Variants in PLAGL1 observed in about 807,000 individuals in gnomAD.
The protein encoded by PLAGL1 is zinc finger protein PLAGL1.
PLAGL1 carries 1 observed loss-of-function variant against 4.6 expected under a neutral mutation model. That is an observed-to-expected ratio of 0.22 (90% CI 0.08 to 1.03). PLAGL1 has a LOEUF of 1.03. Ranked by LOEUF, PLAGL1 falls within the 50% of genes least tolerant of loss-of-function variation. The probability of loss-of-function intolerance (pLI) is 0.58; values close to 1 mark genes in which losing one functional copy is unlikely to be tolerated. For missense variants in PLAGL1, 464 were observed against 570.4 expected, an observed-to-expected ratio of 0.81 and a Z score of 1.90; for synonymous variants, 240 against 237.8, an observed-to-expected ratio of 1.01 and a Z score of -0.08.
Position 144,040,458 on chromosome 6 carries a change from G to A in PLAGL1, c.-151+24010C>T, listed in dbSNP as rs563203931. 2.0e-5 allele frequency among the ~76,000 whole-genome samples: 3 copies of A among 152,208 alleles called. No homozygotes were observed. The South Asian group carries it at 6.2e-4, about 32-fold the overall frequency. On this transcript the variant is annotated intron_variant, in intron 1 of 3. Transcript: ENST00000437412. ...GCAGGCAAATCATTTGAACCTGAGAGGCAGAGGTTGTGGTGAGCCAAGATC... is the reference window on the plus strand; with the variant it reads ...GCAGGCAAATCATTTGAACCTGAGAAGCAGAGGTTGTGGTGAGCCAAGATC...
At position 144,059,991 on chromosome 6, in the gene PLAGL1, C is replaced by T. The variant is rs190503139; in HGVS notation, c.-151+4477G>A. Among the ~76,000 whole-genome samples, 21 of 152,282 alleles carry T rather than the reference C, an allele frequency of 1.4e-4. No homozygotes were observed. Among genetic ancestry groups the T allele is most frequent in the South Asian group, 8.3e-4 (4 of 4,814 alleles). ...AGAGCAAGTCCTCCTTACTCCTCCA[C>T]GAAGCTTTCTCAAATTTTATGAGAA... On this transcript the variant is annotated intron_variant, in intron 1 of 3. Coordinates refer to the PLAGL1 transcript ENST00000437412. This position sits in a 1 kb window ranked among gnomAD's most constrained non-coding sequence, Gnocchi z 4.9.
rs938132971 is a variant in PLAGL1 at position 144,045,921 on chromosome 6, C to G, written c.-151+18547G>C. Among the ~76,000 whole-genome samples, 8 of 152,058 alleles carry G rather than the reference C, an allele frequency of 5.3e-5. 1 individual carries two copies. The highest frequency in any genetic ancestry group is 5.2e-4 in the Admixed American group (8 of 15,268). On this transcript the variant is annotated intron_variant, in intron 1 of 3. Transcript: ENST00000437412. ...TTTTTTCTCTAAACTTCTCTTCTCA[C>G]TTCATTCATTTGATCTTCAATCACT...
chr6:144,031,849 A>G (rs1796856004), intron 1 of PLAGL1, among the ~76,000 whole-genome samples: 1 of 152,052 alleles, frequency 6.6e-6, no homozygotes, highest in African/African-American at 2.4e-5. Flanking sequence ...TTTTGGTTCC[A>G]TATGAATTTT....
At chr6:144,025,876 G>C (rs1796307352) in intron 1 of PLAGL1, among the ~76,000 whole-genome samples, 1 of 152,202 alleles carries the variant, frequency 6.6e-6, no homozygotes, top group African/African-American at 2.4e-5. Context: ...CTGGGTGACA[G>C]AGCAAGACTC....
chr6:144,021,183 G>A (rs965497919), intron 1 of PLAGL1, among the ~76,000 whole-genome samples: 1 of 152,046 alleles, frequency 6.6e-6, no homozygotes, highest in Non-Finnish European at 1.5e-5. Context: ...TCAAACCTAT[G>A]CGGTTTGAGC....
rs1313836448 is a variant in PLAGL1, at chr6:143,975,969, T to G, written c.-543-6991A>C. Among the ~76,000 whole-genome samples the G allele has an allele frequency of 1.3e-5, 2 of 152,242 alleles. No homozygotes were observed. Among genetic ancestry groups the G allele is most frequent in the Non-Finnish European group, 2.9e-5 (2 of 68,048 alleles). ...TTCATGTTTTCAAAGAACTAACACA[T>G]ATCTTACTTCGTTGACCCTCACATT... On this transcript the variant is annotated intron_variant, in intron 2 of 7. Coordinates refer to ENST00000674357, the MANE Select transcript of PLAGL1 (RefSeq NM_001317162.2). This position sits in a 1 kb window ranked among gnomAD's most constrained non-coding sequence, Gnocchi z 5.8.
rs1007848054 is a variant in PLAGL1 at position 143,955,267 on chromosome 6, A to C, written c.-325+5202T>G. On this transcript the variant is annotated intron_variant, in intron 6 of 7. Coordinates refer to ENST00000674357, the MANE Select transcript of PLAGL1 (RefSeq NM_001317162.2). This position sits in a 1 kb window ranked among gnomAD's most constrained non-coding sequence, Gnocchi z 4.9. ...AGAGGGAGGTGGTCTATTTCAGGCC[A>C]AGGGAATGAATCCAACCACCTGGAG... 6.6e-6 allele frequency among the ~76,000 whole-genome samples: 1 copy of C among 152,212 alleles called. No homozygotes were observed. The highest frequency in any genetic ancestry group is 1.5e-5 in the Non-Finnish European group (1 of 68,036).
rs543154504 is a variant in PLAGL1, at chr6:143,979,603, T to C, written c.-544+5532A>G. On this transcript the variant is annotated intron_variant, in intron 2 of 7. Coordinates refer to ENST00000674357, the MANE Select transcript of PLAGL1 (RefSeq NM_001317162.2). This position sits in a 1 kb window ranked among gnomAD's most constrained non-coding sequence, Gnocchi z 4.6. ...GTAGAGTATAAAAACTTTATAGTTA[T>C]ATTTTTCCTCACCTGACCTTTGTGC... is the stretch of plus-strand genomic sequence containing the variant. 3.3e-5 allele frequency among the ~76,000 whole-genome samples: 5 copies of C among 152,252 alleles called. No homozygotes were observed. Among genetic ancestry groups the C allele is most frequent in the South Asian group, 2.1e-4 (1 of 4,822 alleles).
At chr6:144,030,678 A>T (rs1263467750) in intron 1 of PLAGL1, among the ~76,000 whole-genome samples, 3 of 152,326 alleles carry the variant, frequency 2.0e-5, no homozygotes, top group East Asian at 3.9e-4. Context: ...CCATTACTTC[A>T]TTCCTTTTTA....
At position 144,056,049 on chromosome 6, in the gene PLAGL1, A is replaced by T. The variant is rs551490999; in HGVS notation, c.-151+8419T>A. ...GAGAAGTTCAACATGGTAAAAGATG[A>T]CTCACTTTTCTTTCCCCTCATCCCT... On this transcript the variant is annotated intron_variant, in intron 1 of 3. Coordinates refer to the PLAGL1 transcript ENST00000437412. The surrounding 1 kb of genome is among the most constrained non-coding windows in gnomAD (Gnocchi z 4.7). Among the ~76,000 whole-genome samples, 2 of 152,052 alleles carry T rather than the reference A, an allele frequency of 1.3e-5. No individual in the cohort carries two copies. Among genetic ancestry groups the T allele is most frequent in the South Asian group, 4.2e-4 (2 of 4,808 alleles).
intron 1 of PLAGL1, among the ~76,000 whole-genome samples, chr6:144,023,667 G>T (rs549160633): frequency 6.6e-6 from 1 of 151,050 alleles, no homozygotes; most frequent in South Asian, 2.1e-4. Context: ...TGGGAGCTAG[G>T]TTTCTCTGTT....
In PLAGL1 at chr6:143,947,860, A is replaced by G; in HGVS notation, c.152+125T>C. The stretch of plus-strand genomic sequence containing the variant: ...GAATCACTGGATGCAGATTTCAAGA[A>G]TCCCTCAAAGGCTAAAATGCATCCA... On this transcript the variant is annotated intron_variant, in intron 7 of 7. Coordinates refer to ENST00000674357, the MANE Select transcript of PLAGL1 (RefSeq NM_001317162.2). The surrounding 1 kb of genome is among the most constrained non-coding windows in gnomAD (Gnocchi z 4.3). 1.4e-6 allele frequency: 1 copy of G among 700,954 alleles called. No homozygotes were observed. Among genetic ancestry groups the G allele is most frequent in the South Asian group, 2.0e-5 (1 of 49,174 alleles). The allele number at this position is 700,954 out of a possible 1,614,324, so 43.4% of individuals were successfully genotyped here. A position where few individuals can be genotyped will look rare whatever the true frequency, so the allele number is the denominator to read the frequency against.
chr6:143,995,695 A>G lies in PLAGL1; in HGVS notation c.-583-10521T>C, dbSNP rs2128642062. On this transcript the variant is annotated intron_variant, in intron 1 of 7. Transcript: ENST00000674357. The surrounding 1 kb of genome is among the most constrained non-coding windows in gnomAD (Gnocchi z 4.4). ...ATAAAATGTTTCAAATCTGAAATAT[A>G]AGGATTTTTTTTTTCCTGAAGACTA... 6.6e-6 allele frequency among the ~76,000 whole-genome samples: 1 copy of G among 152,312 alleles called. No homozygotes were observed. Among genetic ancestry groups the G allele is most frequent in the African/African-American group, 2.4e-5 (1 of 41,560 alleles).
upstream of PLAGL1, among the ~76,000 whole-genome samples, chr6:144,012,844 G>C (rs1474659278): frequency 6.6e-6 from 1 of 152,208 alleles, no homozygotes; most frequent in East Asian, 1.9e-4. The surrounding 1 kb of genome is among the most constrained non-coding windows in gnomAD (Gnocchi z 4.8). Flanking sequence ...GGAACAATGG[G>C]ACTGTGGTAA....
chr6:144,032,070 T>C (rs1287164869), intron 1 of PLAGL1, among the ~76,000 whole-genome samples: 1 of 152,026 alleles, frequency 6.6e-6, no homozygotes, highest in African/African-American at 2.4e-5. Context: ...TTGGGCACAA[T>C]GGTTTTTATA....
At chr6:144,038,460 G>A (rs959138288) in intron 1 of PLAGL1, among the ~76,000 whole-genome samples, 1 of 152,226 alleles carries the variant, frequency 6.6e-6, no homozygotes, top group Non-Finnish European at 1.5e-5. Flanking sequence ...TCAAGACAAT[G>A]AGGTACTGGC....
At position 143,997,449 on chromosome 6, in the gene PLAGL1, G is replaced by A. The variant is rs1791888056; in HGVS notation, c.-584+10641C>T. Among the ~76,000 whole-genome samples, 1 of 152,096 alleles carries A rather than the reference G, an allele frequency of 6.6e-6. No individual in the cohort carries two copies. The highest frequency in any genetic ancestry group is 2.4e-5 in the African/African-American group (1 of 41,410). On this transcript the variant is annotated intron_variant, in intron 1 of 7. Transcript: ENST00000674357. This position sits in a 1 kb window ranked among gnomAD's most constrained non-coding sequence, Gnocchi z 4.6. ...GTCCTACTCAGAAAAAATACAAAAA[G>A]AACTACCTATTGATAGATGCATCAA...
At chr6:144,049,292 A>G (rs1408186961) in intron 1 of PLAGL1, among the ~76,000 whole-genome samples, 1 of 152,168 alleles carries the variant, frequency 6.6e-6, no homozygotes, top group East Asian at 1.9e-4. Flanking sequence ...GGGCCCTCCA[A>G]TCTGTTCCAA....
Position 143,948,047 on chromosome 6 carries a change from C to T in PLAGL1, c.90G>A (p.Arg30=). 1 of 1,614,090 alleles carries T rather than the reference C, an allele frequency of 6.2e-7. No individual in the cohort carries two copies. The highest frequency in any genetic ancestry group is 1.3e-5 in the African/African-American group (1 of 75,070). The stretch of plus-strand genomic sequence containing the variant: ...AGTCAGGCTGCACACACTTGTACGG[C>T]CGCTCCCTGGAGTGGGAATAATTGT... The part of the protein sequence containing the change: ...TIHNYSHSRE[R]PYKCVQPDCG... The change falls in exon 7 of 8, where the codon CGG becomes CGA. Residue 30 remains arginine, a synonymous_variant. Transcript: ENST00000674357. This position sits in a 1 kb window ranked among gnomAD's most constrained non-coding sequence, Gnocchi z 6.0.
Sources: allele counts gnomAD v4.1 joint callset (sites outside exome capture counted in the v4.1 genomes callset), GRCh38; gene constraint gnomAD v4.1.1; non-coding constraint Gnocchi (gnomAD v3.1); transcripts MANE v1.5; gene names NCBI Gene and HGNC (gene_info 2026-07-23, HGNC 2026-07-21).